HRH2: variants seen among roughly 807,000 people sequenced by gnomAD.
The protein encoded by HRH2 is histamine receptor H2.
Under a neutral mutation model 20.1 loss-of-function variants are expected in HRH2, and 4 were observed. That is an observed-to-expected ratio of 0.20 (90% CI 0.10 to 0.45). The LOEUF (loss-of-function observed/expected upper bound fraction) is 0.45, where lower values mean the gene tolerates loss of function less well. HRH2 is among the 20% of genes least tolerant of loss of function. HRH2 has a pLI of 0.99. For synonymous variants in HRH2, 197 were observed against 200.7 expected (o/e 0.98, Z 0.16); for missense variants, 250 against 461.6 (o/e 0.54, Z 4.20).
rs1260276976 is a variant in HRH2, at chr5:175,684,098, G to A, written c.865G>A (p.Ala289Thr). 1 of 1,614,072 alleles carries A rather than the reference G, an allele frequency of 6.2e-7. No individual in the cohort carries two copies. Among genetic ancestry groups the A allele is most frequent in the African/African-American group, 1.3e-5 (1 of 74,916 alleles). Residue 289 changes from alanine (A) to threonine (T), a missense_variant, in exon 2 of 3, where the codon GCT (alanine) becomes ACT (threonine). By Grantham distance (58) the Ala-to-Thr change is moderately conservative (BLOSUM62 0). Around this residue, in one of 5 missense-constraint regions of HRH2, gnomAD observed 58 missense variants for 166.8 expected, o/e 0.35. Transcript: ENST00000636584. ...ANSALNPILYAALNRDFRTGY... is the reference protein window; with the variant it reads ...ANSALNPILYTALNRDFRTGY... ...CTCAGCCCTGAACCCCATCCTGTAT[G>A]CTGCGCTGAACAGAGACTTCCGCAC...
chr5:175,680,163 G>A (rs937464426), intron 1 of HRH2, among the ~76,000 whole-genome samples: 3 of 152,194 alleles, frequency 2.0e-5, no homozygotes, highest in Non-Finnish European at 4.4e-5. Context: ...GCCATTGCAC[G>A]TCTGCCAACG....
chr5:175,688,324 A>G (rs140156354), intron 2 of HRH2, among the ~76,000 whole-genome samples: 9 of 152,168 alleles, frequency 5.9e-5, no homozygotes, highest in African/African-American at 1.9e-4. Flanking sequence ...ACAAGTCCCA[A>G]CCCTCTGGCC....
rs1394731131 is a variant in HRH2, at chr5:175,699,790, G to A, written c.1077-7989G>A. Among the ~76,000 whole-genome samples, 3 of 152,126 alleles carry A rather than the reference G, an allele frequency of 2.0e-5. No individual in the cohort carries two copies. In the South Asian group the frequency reaches 6.2e-4, roughly 31 times the overall value. On this transcript the variant is annotated intron_variant, in intron 2 of 2. Transcript: ENST00000636584. Reference sequence around the variant, plus strand: ...GGGTTTCACCGTGTTAGCCGGAATGGTCTTGATCTCCTGACCTCGTGATCC... The same window carrying A: ...GGGTTTCACCGTGTTAGCCGGAATGATCTTGATCTCCTGACCTCGTGATCC...
At chr5:175,702,183 T>A (rs11954160) in intron 2 of HRH2, among the ~76,000 whole-genome samples, 31,398 of 151,722 alleles carry the variant, frequency 0.21, 5,894 homozygotes, top group African/African-American at 0.5. Flanking sequence ...TCACTTAAAA[T>A]ACAGAAGGTA....
chr5:175,701,419 C>G (rs1178668986), intron 2 of HRH2, among the ~76,000 whole-genome samples: 1 of 152,144 alleles, frequency 6.6e-6, no homozygotes, highest in African/African-American at 2.4e-5. Flanking sequence ...ATGGTCGGAC[C>G]CAAGGGCTCA....
At chr5:175,669,615 C>T (rs990306686) in intron 1 of HRH2, among the ~76,000 whole-genome samples, 2 of 152,216 alleles carry the variant, frequency 1.3e-5, no homozygotes, top group African/African-American at 4.8e-5. Flanking sequence ...CCACCCACCT[C>T]GGCCTCCCGA....
intron 2 of HRH2, among the ~76,000 whole-genome samples, chr5:175,704,658 C>T (rs922948036): frequency 5.3e-5 from 8 of 152,208 alleles, no homozygotes; most frequent in African/African-American, 1.9e-4. Flanking sequence ...TTACTATTCA[C>T]AGCTAATAAC....
Position 175,686,222 on chromosome 5 carries a change from A to G in HRH2, c.1076+1913A>G, listed in dbSNP as rs1756168655. On this transcript the variant is annotated intron_variant, in intron 2 of 2. Coordinates refer to ENST00000636584, the MANE Select transcript of HRH2 (RefSeq NM_001367711.1). The surrounding 1 kb of genome is among the most constrained non-coding windows in gnomAD (Gnocchi z 4.7). ...TAGTTCACAAAGTATAAAAAAATAC[A>G]GGGATGTGGTTCAGCTAGAAGGTGG... 1 of 152,260 alleles carries G rather than the reference A, an allele frequency of 6.6e-6. No individual in the cohort carries two copies. Among genetic ancestry groups the G allele is most frequent in the African/African-American group, 2.4e-5 (1 of 41,470 alleles). 9.4% of individuals were successfully genotyped at this position (152,260 alleles called of 1,614,324 possible).
chr5:175,678,095 G>A (rs1259509229), intron 1 of HRH2, among the ~76,000 whole-genome samples: 1 of 152,190 alleles, frequency 6.6e-6, no homozygotes, highest in African/African-American at 2.4e-5. Context: ...TTCTGGCGGT[G>A]CTATTTCCCT....
chr5:175,672,893 G>T (rs1181385470), intron 1 of HRH2, among the ~76,000 whole-genome samples: 4 of 152,194 alleles, frequency 2.6e-5, no homozygotes, highest in Non-Finnish European at 5.9e-5. Flanking sequence ...GAATGTCCAG[G>T]TCATCAGCAG....
chr5:175,665,641 C>T (rs1376631025), intron 1 of HRH2, among the ~76,000 whole-genome samples: 4 of 152,182 alleles, frequency 2.6e-5, no homozygotes, highest in Non-Finnish European at 5.9e-5. Flanking sequence ...CAACACCTTA[C>T]CACACTCCCA....
intron 1 of HRH2, among the ~76,000 whole-genome samples, chr5:175,669,278 G>A (rs1206938982): frequency 2.0e-5 from 3 of 151,778 alleles, no homozygotes; most frequent in African/African-American, 7.3e-5. Context: ...CCCTGCCACC[G>A]TATAATATTT....
intron 1 of HRH2, among the ~76,000 whole-genome samples, chr5:175,668,029 G>C (rs977819854): frequency 1.3e-5 from 2 of 152,210 alleles, no homozygotes; most frequent in Admixed American, 1.3e-4. Flanking sequence ...CTACTGCTGT[G>C]TCTCTTTGAA....
chr5:175,705,224 A>G (rs1756908188), intron 2 of HRH2, among the ~76,000 whole-genome samples: 1 of 152,250 alleles, frequency 6.6e-6, no homozygotes, highest in East Asian at 1.9e-4. Flanking sequence ...TAGGCTCAGG[A>G]ATAGCCAAGT....
In HRH2 at chr5:175,677,680, G is replaced by A. The variant is rs1755805421; in HGVS notation, c.-525-5029G>A. ...GGCCACTTCCTGATACCCTCAGGAG[G>A]CACCTGGAACATTTGAAGTGGTCGA... On this transcript the variant is annotated intron_variant, in intron 1 of 2. Transcript: ENST00000636584. The surrounding 1 kb of genome is among the most constrained non-coding windows in gnomAD (Gnocchi z 4.2). Among the ~76,000 whole-genome samples, 1 of 152,218 alleles carries A rather than the reference G, an allele frequency of 6.6e-6. No homozygotes were observed. The highest frequency in any genetic ancestry group is 1.5e-5 in the Non-Finnish European group (1 of 68,032).
intron 1 of HRH2, among the ~76,000 whole-genome samples, chr5:175,662,076 C>G (rs955406687): frequency 6.6e-6 from 1 of 152,034 alleles, no homozygotes; most frequent in Non-Finnish European, 1.5e-5. Flanking sequence ...AGCTTACAGA[C>G]AGTGGGGTGT....
At chr5:175,691,473 A>T in intron 2 of HRH2, 1 of 152,570 alleles carries the variant, frequency 6.6e-6, no homozygotes, top group Middle Eastern at 3.3e-3. Context: ...GCCCTGATCT[A>T]CACCTCCTGA....
At chr5:175,700,080 G>T (rs1355719618) in intron 2 of HRH2, among the ~76,000 whole-genome samples, 11 of 152,180 alleles carry the variant, frequency 7.2e-5, no homozygotes, top group Admixed American at 6.5e-4. Flanking sequence ...GATGAGGAAG[G>T]CTCAGACAGA....
At chr5:175,684,705 T>C (rs1170656195) in intron 2 of HRH2, among the ~76,000 whole-genome samples, 1 of 152,116 alleles carries the variant, frequency 6.6e-6, no homozygotes, top group African/African-American at 2.4e-5. Flanking sequence ...CAAGTAACCA[T>C]GTCACCAATG....
Sources: allele counts gnomAD v4.1 joint callset (sites outside exome capture counted in the v4.1 genomes callset), GRCh38; gene constraint gnomAD v4.1.1; regional missense constraint gnomAD v4.1.1; non-coding constraint Gnocchi (gnomAD v3.1); transcripts MANE v1.5; gene names NCBI Gene and HGNC (gene_info 2026-07-23, HGNC 2026-07-21).